Variants in NEB observed in about 807,000 individuals in gnomAD.
NEB encodes nebulin, also known as nemaline myopathy type 2.
NEB carries 512 observed loss-of-function variants against 952.2 expected under a neutral mutation model. The observed-to-expected ratio is 0.54, with a 90% CI of 0.50 to 0.58. The LOEUF is 0.58. NEB is among the 20% of genes least tolerant of loss of function. NEB has a pLI of 0.00. For synonymous variants in NEB, 2,900 were observed against 3,149.8 expected (o/e 0.92, Z 2.66); for missense variants, 8,428 against 9,231.1 (o/e 0.91, Z 3.56).
At chr2:151,518,261 C>G in intron 156 of NEB, 57 bp downstream of exon 156, 1 of 1,258,200 alleles carries the variant, frequency 7.9e-7, no homozygotes, top group Non-Finnish European at 1.2e-6. Context: ...AATTTTTTTT[C>G]ACATTGTACT....
At chr2:151,526,105 C>T (rs545916388) in intron 149 of NEB, 37 bp from the exon 150 acceptor site, 1 of 1,611,900 alleles carries the variant, frequency 6.2e-7, no homozygotes, top group South Asian at 1.1e-5. Context: ...AAGGCATCTG[C>T]CTGGGGCGTT....
intron 61 of NEB, 32 bp from the exon 62 acceptor site, chr2:151,640,092 C>T (rs1419698431): frequency 6.3e-7 from 1 of 1,588,884 alleles, no homozygotes. Flanking sequence ...AAATATTTAT[C>T]TCTGTATCAG....
At chr2:151,611,339 A>T (rs1456694343) in intron 78 of NEB, among the ~76,000 whole-genome samples, 1 of 152,154 alleles carries the variant, frequency 6.6e-6, no homozygotes, top group Non-Finnish European at 1.5e-5. Flanking sequence ...TTTGAAGATG[A>T]TCCATAACAT....
rs759261311 is a variant in NEB, at chr2:151,497,627, G to A, written c.24299C>T (p.Ser8100Leu). ...TTTTTTCTTTTCTTGCCAAAGTACC[G>A]AGCTAATATTTTCTTGATTGTGTTT... is the stretch of plus-strand genomic sequence containing the variant. Reference protein sequence around the residue: ...RVKHNQENISSVLYKENMGKG... With the variant: ...RVKHNQENISLVLYKENMGKG... The change falls in exon 171 of 182, where the codon TCG becomes TTG. Residue 8100 changes from serine to leucine, a missense_variant and splice_region_variant. By Grantham distance (145) the Ser-to-Leu change is moderately radical. Around this residue, in one of 11 missense-constraint regions of NEB, gnomAD observed 3,374 missense variants for 3,651.5 expected, o/e 0.92. Transcript: ENST00000397345. 26 of 1,570,290 alleles carry A rather than the reference G, an allele frequency of 1.7e-5. No individual in the cohort carries two copies. Among genetic ancestry groups the A allele is most frequent in the East Asian group, 6.9e-5 (3 of 43,520 alleles).
intron 124 of NEB, among the ~76,000 whole-genome samples, chr2:151,556,698 G>T (rs561769594): frequency 2.0e-5 from 3 of 152,070 alleles, no homozygotes; most frequent in Non-Finnish European, 4.4e-5. Context: ...ACAGGAGCAC[G>T]CATATTCATA....
At chr2:151,613,506 G>C in intron 77 of NEB, among the ~76,000 whole-genome samples, 1 of 152,262 alleles carries the variant, frequency 6.6e-6, no homozygotes, top group African/African-American at 2.4e-5. Context: ...TCCATTGTAA[G>C]TATAAGCAAT....
At chr2:151,729,584 G>A in intron 4 of NEB, 31 bp downstream of exon 4, 1 of 1,609,740 alleles carries the variant, frequency 6.2e-7, no homozygotes, top group Non-Finnish European at 8.5e-7. Context: ...TAATGAGAAT[G>A]CAGTTTATGC....
chr2:151,688,476 A>C lies in NEB; in HGVS notation c.2311-80T>G. 9 of 1,086,250 alleles carry C rather than the reference A, an allele frequency of 8.3e-6. No individual in the cohort carries two copies. In the South Asian group the frequency reaches 1.2e-4, roughly 14 times the overall value. The allele number at this position is 1,086,250 out of a possible 1,614,324, so 67.3% of individuals were successfully genotyped here. On this transcript the variant is annotated intron_variant, in intron 24 of 181. Coordinates refer to ENST00000397345, the MANE Select transcript of NEB (RefSeq NM_001164508.2). The stretch of plus-strand genomic sequence containing the variant: ...GGGCAGCATATATAGCTAAGGCATT[A>C]GTGCTGTTTTTAGAAAAATGCCTCA...
intron 27 of NEB, among the ~76,000 whole-genome samples, chr2:151,686,530 T>C (rs942554121): frequency 6.6e-6 from 1 of 152,218 alleles, no homozygotes; most frequent in Non-Finnish European, 1.5e-5. Context: ...ACTGACATAA[T>C]TCACTGTGAA....
chr2:151,496,295 TTG>T lies in NEB; in HGVS notation c.24465_24466del (p.His8155GlnfsTer6), dbSNP rs747405149. On this transcript the variant is annotated frameshift_variant, in exon 173 of 182. Coordinates refer to ENST00000397345, the MANE Select transcript of NEB (RefSeq NM_001164508.2). LOFTEE classifies it high-confidence loss of function. ...AAGTACCGAGCTAATATTTTCTTGATTGTGTTTGACTCGCTCCATCTCGGGAG... is the reference window on the plus strand; with the variant it reads ...AAGTACCGAGCTAATATTTTCTTGATTGTTTGACTCGCTCCATCTCGGGAG... 1 of 1,610,684 alleles carries T rather than the reference TTG, an allele frequency of 6.2e-7. No individual in the cohort carries two copies. Among genetic ancestry groups the T allele is most frequent in the South Asian group, 1.1e-5 (1 of 90,452 alleles).
At chr2:151,509,831 A>G (rs2072626449) in intron 161 of NEB, among the ~76,000 whole-genome samples, 1 of 152,080 alleles carries the variant, frequency 6.6e-6, no homozygotes, top group South Asian at 2.1e-4. Context: ...GATGGTCTCA[A>G]TCTCCTGACC....
intron 114 of NEB, among the ~76,000 whole-genome samples, chr2:151,566,128 A>T (rs1323782154): frequency 6.6e-6 from 1 of 152,130 alleles, no homozygotes; most frequent in African/African-American, 2.4e-5. Context: ...AGGGGCTGTT[A>T]TTTTCTGCTA....
rs537380305 is a variant in NEB at position 151,699,088 on chromosome 2, C to T, written c.1153-1440G>A. Among the ~76,000 whole-genome samples, 25 of 144,016 alleles carry T rather than the reference C, an allele frequency of 1.7e-4. No individual in the cohort carries two copies. In the East Asian group the frequency reaches 4.5e-3, roughly 26 times the overall value. The allele number at this position is 144,016 out of a possible 152,430, so 94.5% of individuals were successfully genotyped here. On this transcript the variant is annotated intron_variant, in intron 13 of 181. Coordinates refer to ENST00000397345, the MANE Select transcript of NEB (RefSeq NM_001164508.2). ...CCATGTGATCTCATTGTTCAGTTCC[C>T]ACCTATGAGTGAGAATATGCGGTGT...
Position 151,664,658 on chromosome 2 carries a change from T to A in NEB, c.5344-50A>T, listed in dbSNP as rs374180094. ...CAGCATCTTGTTATTGGGGTTAGAA[T>A]AGAGGTCCTGACTACAAAGTGGTTG... On this transcript the variant is annotated intron_variant, in intron 43 of 181. Transcript: ENST00000397345. 38 of 1,544,902 alleles carry A rather than the reference T, an allele frequency of 2.5e-5. No individual in the cohort carries two copies. In the African/African-American group the frequency reaches 4.1e-4, roughly 17 times the overall value.
rs920891229 is a variant in NEB, at chr2:151,531,879, G to T, written c.21435C>A (p.Asn7145Lys). ...TAAATTTGTCCTTTGATTTTTCATA[G>T]TTTTTCCTGTATTTGATCTAAATTG... is the stretch of plus-strand genomic sequence containing the variant. ...HMWSQIKYRK[N>K]YEKSKDKFTS... The change falls in exon 144 of 182, where the codon AAC becomes AAA. Residue 7145 changes from asparagine (N) to lysine (K), a missense_variant. Transcript: ENST00000397345. 2 of 1,586,068 alleles carry T rather than the reference G, an allele frequency of 1.3e-6. No individual in the cohort carries two copies. Among genetic ancestry groups the T allele is most frequent in the South Asian group, 1.1e-5 (1 of 89,202 alleles).
Position 151,497,797 on chromosome 2 carries a change from AAC to A in NEB, c.24208-81_24208-80del, listed in dbSNP as rs1221356194. Reference sequence around the variant, plus strand: ...TGGGACTTTTTAAGGATGAGGAAAAAACACAGTCATCCAAGGAGCCAGAAGTT... The same window carrying A: ...TGGGACTTTTTAAGGATGAGGAAAAAACAGTCATCCAAGGAGCCAGAAGTT... On this transcript the variant is annotated intron_variant, in intron 170 of 181. Coordinates refer to ENST00000397345, the MANE Select transcript of NEB (RefSeq NM_001164508.2). 56 of 1,539,990 alleles carry A rather than the reference AAC, an allele frequency of 3.6e-5. 4 individuals carry two copies. In the Middle Eastern group the frequency reaches 1.3e-3, roughly 37 times the overall value.
chr2:151,517,799 G>A (rs752778244), intron 156 of NEB, among the ~76,000 whole-genome samples: 1 of 152,166 alleles, frequency 6.6e-6, no homozygotes, highest in Non-Finnish European at 1.5e-5. Context: ...TTTTAAAATG[G>A]TACACCTGCA....
chr2:151,725,813 A>G (rs552200908), intron 5 of NEB, among the ~76,000 whole-genome samples: 1 of 152,270 alleles, frequency 6.6e-6, no homozygotes, highest in African/African-American at 2.4e-5. Context: ...CCCTAAAATG[A>G]TTCTTTCAAT....
chr2:151,502,822 C>T lies in NEB; in HGVS notation c.23899G>A (p.Val7967Ile), dbSNP rs1042522253. The T allele has an allele frequency of 6.2e-7, 1 of 1,607,034 alleles. No individual in the cohort carries two copies. The highest frequency in any genetic ancestry group is 8.5e-7 in the Non-Finnish European group (1 of 1,176,418). The change falls in exon 167 of 182, where the codon GTC becomes ATC. Residue 7967 changes from valine to isoleucine, a missense_variant. Val to Ile is a conservative substitution (Grantham distance 29). This residue lies in a region of NEB where 3,374 missense variants were observed against 3,651.5 expected (regional missense o/e 0.92). Coordinates refer to ENST00000397345, the MANE Select transcript of NEB (RefSeq NM_001164508.2). ...CTAAAGTTCTCTTGATTGCGTTTGA[C>T]TCTCTCCATCTCTGGAGTGATAGGT... ...PTPITPEMER[V>I]KRNQENFSSI...
Sources: gnomAD v4.1 joint callset for allele counts (sites outside exome capture counted in the v4.1 genomes callset) on GRCh38, gnomAD v4.1.1 for gene constraint, gnomAD v4.1.1 regional missense constraint, MANE v1.5 for transcripts, NCBI Gene and HGNC (gene_info 2026-07-23, HGNC 2026-07-21) for gene names.